The following ANKRD11 variants were observed in gnomAD, a reference collection of about 807,000 sequenced individuals.
ANKRD11 encodes the protein ankyrin repeat domain 11.
Under a neutral mutation model 195.7 loss-of-function variants are expected in ANKRD11, and 17 were observed. The observed-to-expected ratio is 0.09, with a 90% CI of 0.06 to 0.13. ANKRD11 has a LOEUF of 0.13. Ranked by LOEUF, ANKRD11 falls within the 10% of genes least tolerant of loss-of-function variation. ANKRD11 has a pLI of 1.00. For missense variants in ANKRD11, 3,735 were observed against 3,566.1 expected, an observed-to-expected ratio of 1.05 and a Z score of -1.21; for synonymous variants, 1,953 against 1,528.1, an observed-to-expected ratio of 1.28 and a Z score of -6.49.
In ANKRD11 at chr16:89,285,486, G is replaced by A. The variant is rs149211555; in HGVS notation, c.1056C>T (p.Asp352=). The A allele has an allele frequency of 2.0e-5, 32 of 1,614,022 alleles. No individual in the cohort carries two copies. The highest frequency in any genetic ancestry group is 1.6e-4 in the Middle Eastern group (1 of 6,084). ...CCGGAGGAACCCTGTCCTGCTCGTC[G>A]TCCTCATCAAACTCATACTCGTCCT... ...PVKDEYEFDE[D]DEQDRVPPVD... The change falls in exon 9 of 13, where the codon GAC becomes GAT. Residue 352 remains aspartate (D), a synonymous_variant. Coordinates refer to ENST00000301030, the MANE Select transcript of ANKRD11 (RefSeq NM_013275.6). This position sits in a 1 kb window ranked among gnomAD's most constrained non-coding sequence, Gnocchi z 5.6.
At position 89,357,649 on chromosome 16, in the gene ANKRD11, G is replaced by A. The variant is rs150933066; in HGVS notation, c.-59-40571C>T. Among the ~76,000 whole-genome samples, 507 of 152,332 alleles carry A rather than the reference G, an allele frequency of 3.3e-3. 1 individual carries two copies. The highest frequency in any genetic ancestry group is 0.012 in the African/African-American group (478 of 41,560). Reference sequence around the variant, plus strand: ...GGCGGATGACAGAGAAGCAGAATGCGTCTGCACACAGCATAACGCGACTCA... The same window carrying A: ...GGCGGATGACAGAGAAGCAGAATGCATCTGCACACAGCATAACGCGACTCA... On this transcript the variant is annotated intron_variant, in intron 2 of 12. Coordinates refer to ENST00000301030, the MANE Select transcript of ANKRD11 (RefSeq NM_013275.6).
chr16:89,345,893 G>C (rs1406696236), intron 2 of ANKRD11, among the ~76,000 whole-genome samples: 1 of 152,148 alleles, frequency 6.6e-6, no homozygotes, highest in African/African-American at 2.4e-5. Flanking sequence ...CCTTTCACAA[G>C]AGAGCTAAGA....
At chr16:89,410,501 G>A (rs1304684391) in intron 2 of ANKRD11, among the ~76,000 whole-genome samples, 2 of 152,090 alleles carry the variant, frequency 1.3e-5, no homozygotes, top group Non-Finnish European at 1.5e-5. Context: ...CAGGAACCAC[G>A]CAGAGCCACG....
Position 89,291,593 on chromosome 16 carries a change from C to T in ANKRD11, c.227-410G>A, listed in dbSNP as rs562203019. The stretch of plus-strand genomic sequence containing the variant: ...GTCTGTAATTCAATTCCACCTTCCC[C>T]GTCCCTCCTCCAAACAGTGCAGATA... On this transcript the variant is annotated intron_variant, in intron 4 of 12. Transcript: ENST00000301030. This position sits in a 1 kb window ranked among gnomAD's most constrained non-coding sequence, Gnocchi z 5.3. 17 of 1,051,834 alleles carry T rather than the reference C, an allele frequency of 1.6e-5. No homozygotes were observed. Among genetic ancestry groups the T allele is most frequent in the Admixed American group, 1.4e-4 (6 of 43,554 alleles). 65.2% of individuals were successfully genotyped at this position (1,051,834 alleles called of 1,614,324 possible).
rs749632782 is a variant in ANKRD11, at chr16:89,282,336, G to A, written c.4206C>T (p.Tyr1402=). The part of the protein sequence containing the change: ...YEKDFLEADA[Y]GVSYNMKADI... ...CAGCTTTCATGTTGTAAGAAACTCC[G>A]TAAGCATCCGCCTCCAGGAAGTCCT... The change falls in exon 9 of 13, where the codon TAC becomes TAT. Residue 1402 remains tyrosine, a synonymous_variant. Transcript: ENST00000301030. The A allele has an allele frequency of 3.0e-5, 49 of 1,614,172 alleles. No individual in the cohort carries two copies. The highest frequency in any genetic ancestry group is 4.0e-5 in the Non-Finnish European group (47 of 1,180,036).
At chr16:89,432,275 A>ACACC (rs1182272656) in intron 1 of ANKRD11, among the ~76,000 whole-genome samples, 1 of 130,102 alleles carries the variant, frequency 7.7e-6, no homozygotes, top group African/African-American at 2.9e-5. Context: ...ACACACACAC[A>ACACC]CACCCCTGGA....
At chr16:89,437,320 G>A (rs146172162) in intron 1 of ANKRD11, among the ~76,000 whole-genome samples, 1 of 152,184 alleles carries the variant, frequency 6.6e-6, no homozygotes, top group Non-Finnish European at 1.5e-5. Flanking sequence ...ATACCAAAAA[G>A]TGAAAGACTG....
chr16:89,419,361 G>C (rs2042423559), intron 1 of ANKRD11, among the ~76,000 whole-genome samples: 1 of 151,858 alleles, frequency 6.6e-6, no homozygotes, highest in South Asian at 2.1e-4. Flanking sequence ...GCTGGGGCAG[G>C]TGAATCACTT....
intron 1 of ANKRD11, among the ~76,000 whole-genome samples, chr16:89,483,163 A>G (rs1472867577): frequency 6.6e-6 from 1 of 152,112 alleles, no homozygotes. Context: ...CTGAACCAAT[A>G]TATTTATGGG....
At chr16:89,277,305 G>C (rs775868259) in intron 9 of ANKRD11, among the ~76,000 whole-genome samples, 2 of 152,202 alleles carry the variant, frequency 1.3e-5, no homozygotes, top group Admixed American at 6.5e-5. Flanking sequence ...AGGGCCGGCA[G>C]CTACAGCAGG....
In ANKRD11 at chr16:89,285,169, C is replaced by T. The variant is rs778960311; in HGVS notation, c.1373G>A (p.Arg458Gln). Residue 458 changes from arginine (R) to glutamine (Q), a missense_variant, in exon 9 of 13, where the codon CGA becomes CAA. Arg to Gln is a conservative substitution (Grantham distance 43). Coordinates refer to ENST00000301030, the MANE Select transcript of ANKRD11 (RefSeq NM_013275.6). The surrounding 1 kb of genome is among the most constrained non-coding windows in gnomAD (Gnocchi z 5.6). ...QKEKNKVKKK[R>Q]KKETKGREVR... ...CTCTCTGCCTTTTGTTTCTTTCTTT[C>T]GCTTCTTTTTCACTTTATTTTTTTC... 2.6e-5 allele frequency: 42 copies of T among 1,613,328 alleles called. No individual in the cohort carries two copies. In the Admixed American group the frequency reaches 3.0e-4, roughly 12 times the overall value.
At chr16:89,325,829 G>C (rs1443080339) in intron 2 of ANKRD11, among the ~76,000 whole-genome samples, 3 of 152,226 alleles carry the variant, frequency 2.0e-5, no homozygotes, top group Non-Finnish European at 4.4e-5. Context: ...TGCAGGACCT[G>C]TTCTTCTCAG....
intron 2 of ANKRD11, among the ~76,000 whole-genome samples, chr16:89,394,418 C>T (rs1027724601): frequency 1.3e-5 from 2 of 152,300 alleles, no homozygotes; most frequent in South Asian, 4.1e-4. Flanking sequence ...CACCTGAGGT[C>T]GGGAGTTCAA....
chr16:89,449,719 G>A (rs1248815748), intron 1 of ANKRD11, among the ~76,000 whole-genome samples: 2 of 152,156 alleles, frequency 1.3e-5, no homozygotes, highest in African/African-American at 4.8e-5. Context: ...CTTGAACCTG[G>A]GAGGTGGAGG....
chr16:89,455,606 G>A, intron 1 of ANKRD11, among the ~76,000 whole-genome samples: 1 of 151,948 alleles, frequency 6.6e-6, no homozygotes, highest in African/African-American at 2.4e-5. Flanking sequence ...CTTCTAACAA[G>A]CAGAGAACGC....
At chr16:89,274,978 A>AGT (rs745569506) in intron 10 of ANKRD11, 21 bp from the exon 11 acceptor site, 1 of 1,612,894 alleles carries the variant, frequency 6.2e-7, no homozygotes, top group Non-Finnish European at 8.5e-7. Context: ...AGAGGAGTAG[A>AGT]GTGAGCTGGG....
Position 89,281,690 on chromosome 16 carries a change from G to A in ANKRD11, c.4852C>T (p.Pro1618Ser). Residue 1618 changes from proline (P) to serine (S), a missense_variant, in exon 9 of 13, where the codon CCC (proline) becomes TCC (serine). Pro to Ser is a moderately conservative substitution (Grantham distance 74, BLOSUM62 -1). Coordinates refer to ENST00000301030, the MANE Select transcript of ANKRD11 (RefSeq NM_013275.6). This position sits in a 1 kb window ranked among gnomAD's most constrained non-coding sequence, Gnocchi z 5.5. ...MEKLRHRSGD[P>S]KLKEKAKPAD... ...GGCTTCGCCTTCTCCTTGAGCTTGG[G>A]GTCTCCGGACCGGTGCCTCAGCTTC... 2 of 1,614,102 alleles carry A rather than the reference G, an allele frequency of 1.2e-6. No individual in the cohort carries two copies. The highest frequency in any genetic ancestry group is 1.7e-6 in the Non-Finnish European group (2 of 1,180,028).
At position 89,282,824 on chromosome 16, in the gene ANKRD11, C is replaced by G. The variant is rs1481707531; in HGVS notation, c.3718G>C (p.Glu1240Gln). 8 of 1,611,180 alleles carry G rather than the reference C, an allele frequency of 5.0e-6. No homozygotes were observed. Among genetic ancestry groups the G allele is most frequent in the Non-Finnish European group, 6.8e-6 (8 of 1,180,018 alleles). The change falls in exon 9 of 13, where the codon GAG (glutamate) becomes CAG (glutamine). Residue 1240 changes from glutamate to glutamine, a missense_variant. Transcript: ENST00000301030. ...QDKKNKQKLPEKAEKKHAAED... is the reference protein window; with the variant it reads ...QDKKNKQKLPQKAEKKHAAED... ...GCAGCGTGCTTCTTTTCAGCCTTCTCGGGGAGCTTCTGTTTATTTTTCTTA... is the reference window on the plus strand; with the variant it reads ...GCAGCGTGCTTCTTTTCAGCCTTCTGGGGGAGCTTCTGTTTATTTTTCTTA...
At chr16:89,363,349 C>A (rs961461895) in intron 2 of ANKRD11, among the ~76,000 whole-genome samples, 2 of 152,058 alleles carry the variant, frequency 1.3e-5, no homozygotes, top group Admixed American at 1.3e-4. Context: ...AAGATTCAGT[C>A]TGCATTAGGA....
Sources: gnomAD v4.1 joint callset for allele counts (sites outside exome capture counted in the v4.1 genomes callset) on GRCh38, gnomAD v4.1.1 for gene constraint, Gnocchi (gnomAD v3.1) non-coding constraint, MANE v1.5 for transcripts, NCBI Gene and HGNC (gene_info 2026-07-23, HGNC 2026-07-21) for gene names.